The following STYXL1 variants were observed in gnomAD, a reference collection of about 807,000 sequenced individuals.
STYXL1 encodes the protein serine/threonine/tyrosine-interacting-like protein 1.
Under a neutral mutation model 36.4 loss-of-function variants are expected in STYXL1, and 32 were observed. The observed-to-expected ratio is 0.88, with a 90% CI of 0.66 to 1.18. STYXL1 has a LOEUF of 1.18. Among genes scored for constraint, STYXL1 ranks in the 50% most tolerant of loss-of-function variants. STYXL1 has a pLI of 0.00. For synonymous variants in STYXL1, 133 were observed against 144.1 expected (o/e 0.92, Z 0.55); for missense variants, 354 against 394.1 (o/e 0.90, Z 0.86).
At chr7:76,043,060 CTAAG>C (rs1467362368) in intron 1 of STYXL1, among the ~76,000 whole-genome samples, 1 of 152,182 alleles carries the variant, frequency 6.6e-6, no homozygotes, top group African/African-American at 2.4e-5. Flanking sequence ...CAAAGGATAC[CTAAG>C]TGTTTCCCGT....
intron 1 of STYXL1, among the ~76,000 whole-genome samples, chr7:76,032,672 A>G (rs1795501158): frequency 1.3e-5 from 2 of 152,326 alleles, no homozygotes; most frequent in African/African-American, 4.8e-5. Context: ...ACTGCACTCC[A>G]GCCTGGGTGA....
intron 8 of STYXL1, 103 bp downstream of exon 8, chr7:76,000,787 T>A (rs1217258478): frequency 5.8e-6 from 5 of 857,402 alleles, no homozygotes; most frequent in Non-Finnish European, 9.8e-6. Flanking sequence ...TCTGGGATTC[T>A]TCCTCCCAAA....
chr7:76,026,334 G>T (rs1273539086), intron 3 of STYXL1, among the ~76,000 whole-genome samples: 9 of 150,732 alleles, frequency 6.0e-5, no homozygotes, highest in Non-Finnish European at 1.0e-4. Context: ...GTCTTGCTCT[G>T]TCGCCCAGGC....
intron 4 of STYXL1, among the ~76,000 whole-genome samples, chr7:76,019,988 AC>A (rs1196367458): frequency 6.6e-6 from 1 of 151,636 alleles, no homozygotes; most frequent in Non-Finnish European, 1.5e-5. Flanking sequence ...ATGGTCTTGT[AC>A]CCCCAAAGAC....
intron 5 of STYXL1, among the ~76,000 whole-genome samples, chr7:76,009,281 C>T (rs1325856173): frequency 6.6e-6 from 1 of 151,172 alleles, no homozygotes. Context: ...ACCCCGCCCC[C>T]TCCCGAGTGT....
chr7:76,042,412 T>TTTTTTTG, intron 1 of STYXL1, among the ~76,000 whole-genome samples: 1 of 117,652 alleles, frequency 8.5e-6, no homozygotes, highest in Non-Finnish European at 1.7e-5. Context: ...TTTTTTTTTT[T>TTTTTTTG]TTTTTTTTTT....
intron 3 of STYXL1, among the ~76,000 whole-genome samples, chr7:76,025,803 C>T (rs1554577535): frequency 1.3e-5 from 2 of 151,482 alleles, no homozygotes; most frequent in African/African-American, 4.8e-5. Flanking sequence ...CACAAAAAGA[C>T]AAAAAGACAA....
chr7:76,037,375 G>A lies in STYXL1; in HGVS notation c.-4-6848C>T, dbSNP rs1196625081. Reference sequence around the variant, plus strand: ...CTGGCCTTCAAACCAGGGGTTCGTGGGTGGCTCTCTCCCCAAGTCAGCCCA... The same window carrying A: ...CTGGCCTTCAAACCAGGGGTTCGTGAGTGGCTCTCTCCCCAAGTCAGCCCA... On this transcript the variant is annotated intron_variant, in intron 1 of 8. Coordinates refer to ENST00000359697, the MANE Select transcript of STYXL1 (RefSeq NM_001317785.2). Among the ~76,000 whole-genome samples the A allele has an allele frequency of 2.7e-5, 4 of 150,286 alleles. No individual in the cohort carries two copies. The East Asian group carries it at 5.8e-4, about 22-fold the overall frequency.
At chr7:76,015,716 G>A (rs1378083417) in intron 4 of STYXL1, among the ~76,000 whole-genome samples, 1 of 152,208 alleles carries the variant, frequency 6.6e-6, no homozygotes, top group Non-Finnish European at 1.5e-5. Flanking sequence ...CAACTTGATT[G>A]GGTTGAAGGA....
intron 7 of STYXL1, among the ~76,000 whole-genome samples, chr7:76,002,055 G>A (rs1211691945): frequency 3.3e-5 from 5 of 152,008 alleles, no homozygotes; most frequent in Admixed American, 1.3e-4. Context: ...GTAACCCTCC[G>A]CCTTAGCCTT....
intron 3 of STYXL1, among the ~76,000 whole-genome samples, chr7:76,027,067 GA>G (rs1197309175): frequency 3.7e-4 from 50 of 135,958 alleles, no homozygotes; most frequent in South Asian, 4.6e-4. Flanking sequence ...TGTCTCAAAA[GA>G]AAAAAAAAAA....
At chr7:75,997,456 G>T (rs1790269511) in intron 8 of STYXL1, among the ~76,000 whole-genome samples, 1 of 151,840 alleles carries the variant, frequency 6.6e-6, no homozygotes, top group Non-Finnish European at 1.5e-5. Context: ...GGAAGGAAGT[G>T]ATGTCAACCT....
At chr7:76,034,264 G>A (rs973102962) in intron 1 of STYXL1, among the ~76,000 whole-genome samples, 54 of 138,576 alleles carry the variant, frequency 3.9e-4, no homozygotes, top group Non-Finnish European at 2.1e-4. Context: ...CACCATGGCC[G>A]GCTAATTTTT....
intron 1 of STYXL1, among the ~76,000 whole-genome samples, chr7:76,040,237 G>T (rs1472871282): frequency 6.6e-6 from 1 of 152,166 alleles, no homozygotes; most frequent in African/African-American, 2.4e-5. Context: ...TGTCTCTGGG[G>T]CCTGCTTTTC....
intron 4 of STYXL1, among the ~76,000 whole-genome samples, chr7:76,019,958 G>GTGT (rs1428342715): frequency 6.6e-6 from 1 of 151,850 alleles, no homozygotes; most frequent in Non-Finnish European, 1.5e-5. Context: ...AAAGAAGGGG[G>GTGT]TGTTGAGAGA....
rs937321762 is a variant in STYXL1, at chr7:76,047,868, C to T, written c.-211G>A. The T allele has an allele frequency of 7.4e-6, 10 of 1,351,576 alleles. No individual in the cohort carries two copies. Among genetic ancestry groups the T allele is most frequent in the Middle Eastern group, 2.8e-4 (1 of 3,552 alleles). 83.7% of individuals were successfully genotyped at this position (1,351,576 alleles called of 1,614,324 possible). On this transcript the variant is annotated 5_prime_UTR_variant, in exon 1 of 9. Coordinates refer to ENST00000359697, the MANE Select transcript of STYXL1 (RefSeq NM_001317785.2). ...GCCTAAAGCCCGTCCTCTTCCACCT[C>T]TTGGGTGCAGACTGGCCCTCCCACT... is the stretch of plus-strand genomic sequence containing the variant.
At chr7:75,998,167 T>C (rs1035600199) in intron 8 of STYXL1, among the ~76,000 whole-genome samples, 2 of 152,192 alleles carry the variant, frequency 1.3e-5, no homozygotes, top group African/African-American at 4.8e-5. Context: ...GTCTCACACT[T>C]CCTGATTTCA....
chr7:76,009,252 A>C, intron 5 of STYXL1, among the ~76,000 whole-genome samples: 1 of 151,166 alleles, frequency 6.6e-6, no homozygotes, highest in Non-Finnish European at 1.5e-5. Context: ...TTCCCCCAAA[A>C]CCACCTCCTT....
intron 3 of STYXL1, among the ~76,000 whole-genome samples, chr7:76,026,848 A>T (rs1554577875): frequency 1.3e-5 from 2 of 152,180 alleles, no homozygotes; most frequent in African/African-American, 4.8e-5. Flanking sequence ...GGAGTTCCAG[A>T]CCAGCCTGGC....
Sources: gnomAD v4.1 joint callset for allele counts (sites outside exome capture counted in the v4.1 genomes callset) on GRCh38, gnomAD v4.1.1 for gene constraint, MANE v1.5 for transcripts, NCBI Gene and HGNC (gene_info 2026-07-23, HGNC 2026-07-21) for gene names.